The following PDE10A variants were observed in gnomAD, a reference collection of about 807,000 sequenced individuals.
PDE10A encodes the protein phosphodiesterase 10A.
Under a neutral mutation model 97.7 loss-of-function variants are expected in PDE10A, and 39 were observed. The ratio of observed to expected loss-of-function variants is 0.40; its 90% CI spans 0.31 to 0.52. PDE10A has a LOEUF of 0.52. PDE10A is among the 20% of genes least tolerant of loss of function. PDE10A has a pLI of 0.56. For missense variants in PDE10A, 731 were observed against 1,047.8 expected, an observed-to-expected ratio of 0.70 and a Z score of 4.17; for synonymous variants, 371 against 376.8, an observed-to-expected ratio of 0.98 and a Z score of 0.18.
At chr6:165,419,995 C>G (rs1788580757) in intron 10 of PDE10A, among the ~76,000 whole-genome samples, 1 of 152,212 alleles carries the variant, frequency 6.6e-6, no homozygotes, top group African/African-American at 2.4e-5. Context: ...CTACTATACA[C>G]CAAACAAATA....
intron 1 of PDE10A, among the ~76,000 whole-genome samples, chr6:165,597,498 T>C (rs1786669441): frequency 6.6e-6 from 1 of 152,164 alleles, no homozygotes. Flanking sequence ...GCCACAAAAA[T>C]GTTTTCTCCC....
chr6:165,745,292 G>A (rs1792818762), intron 1 of PDE10A, among the ~76,000 whole-genome samples: 2 of 152,010 alleles, frequency 1.3e-5, no homozygotes. Context: ...ATTGCCCCTT[G>A]CCCCTCACAC....
At chr6:165,654,373 C>T (rs564391662) in intron 1 of PDE10A, among the ~76,000 whole-genome samples, 6 of 152,214 alleles carry the variant, frequency 3.9e-5, no homozygotes, top group East Asian at 1.9e-4. Context: ...CCCCAGGCCC[C>T]GCTCTCCTCC....
chr6:165,452,858 C>A (rs1266963358), intron 3 of PDE10A, among the ~76,000 whole-genome samples: 1 of 149,914 alleles, frequency 6.7e-6, no homozygotes, highest in Non-Finnish European at 1.5e-5. Flanking sequence ...AGAACCTAGA[C>A]TGCAATAAAG....
chr6:165,534,435 C>A (rs902625784), intron 2 of PDE10A, among the ~76,000 whole-genome samples: 37 of 151,996 alleles, frequency 2.4e-4, no homozygotes, highest in African/African-American at 8.2e-4. Flanking sequence ...AAAATACTTT[C>A]AAACTCATTC....
At chr6:165,614,845 T>TAAA (rs756553279) in intron 1 of PDE10A, among the ~76,000 whole-genome samples, 3 of 149,254 alleles carry the variant, frequency 2.0e-5, no homozygotes, top group African/African-American at 7.5e-5. Context: ...AGGCATTCAA[T>TAAA]TAAAAAAAAA....
At chr6:165,384,326 T>C (rs1785114237) in intron 17 of PDE10A, among the ~76,000 whole-genome samples, 1 of 149,970 alleles carries the variant, frequency 6.7e-6, no homozygotes, top group Admixed American at 6.6e-5. Flanking sequence ...GACTTTCCTG[T>C]CTGCTAAATG....
chr6:165,605,419 G>A (rs1237601710), intron 1 of PDE10A, among the ~76,000 whole-genome samples: 2 of 152,190 alleles, frequency 1.3e-5, no homozygotes, highest in East Asian at 3.8e-4. Context: ...GCTCTGCACT[G>A]TTCTAAAAAT....
At chr6:165,636,258 C>T (rs933556614) in intron 1 of PDE10A, among the ~76,000 whole-genome samples, 3 of 152,142 alleles carry the variant, frequency 2.0e-5, no homozygotes, top group African/African-American at 7.2e-5. Context: ...TTAGCAAACA[C>T]ACAGCTAGTT....
intron 1 of PDE10A, among the ~76,000 whole-genome samples, chr6:165,837,715 T>C (rs897090989): frequency 3.0e-5 from 4 of 132,970 alleles, no homozygotes; most frequent in Non-Finnish European, 6.2e-5. Flanking sequence ...GAACAGAGTC[T>C]CACTCCGTCG....
chr6:165,370,259 C>T, intron 18 of PDE10A, among the ~76,000 whole-genome samples: 2 of 148,426 alleles, frequency 1.3e-5, no homozygotes, highest in South Asian at 2.2e-4. Context: ...GGACTAAATG[C>T]TCCAATTAAA....
chr6:165,908,982 T>C (rs1486696847), intron 1 of PDE10A: 1 of 152,174 alleles, frequency 6.6e-6, no homozygotes, highest in Non-Finnish European at 1.5e-5. Flanking sequence ...GTTGTTTGCA[T>C]TGTGGGTTGA....
intron 1 of PDE10A, among the ~76,000 whole-genome samples, chr6:165,686,307 G>A (rs1791115871): frequency 6.6e-6 from 1 of 152,004 alleles, no homozygotes; most frequent in South Asian, 2.1e-4. Context: ...GGGAATTGTG[G>A]GTGCCCAGGA....
chr6:165,628,240 G>T (rs1788474893), intron 1 of PDE10A, among the ~76,000 whole-genome samples: 1 of 152,168 alleles, frequency 6.6e-6, no homozygotes, highest in Non-Finnish European at 1.5e-5. Flanking sequence ...GGAGATAATA[G>T]TTATTACCAC....
intron 1 of PDE10A, chr6:165,986,013 G>C (rs999437420): frequency 1.3e-5 from 2 of 152,696 alleles, no homozygotes; most frequent in African/African-American, 2.4e-5. Flanking sequence ...CTGATGAAGC[G>C]TGGCGAGGGC....
intron 1 of PDE10A, among the ~76,000 whole-genome samples, chr6:165,615,742 G>A (rs1348111016): frequency 6.6e-6 from 1 of 151,970 alleles, no homozygotes; most frequent in East Asian, 1.9e-4. Context: ...ACTGAAATTC[G>A]CATGTCTTTT....
chr6:165,923,318 C>T (rs1310816443), intron 1 of PDE10A, among the ~76,000 whole-genome samples: 1 of 152,184 alleles, frequency 6.6e-6, no homozygotes, highest in Non-Finnish European at 1.5e-5. Context: ...TTTCTTAAGA[C>T]AAAACTCTGT....
At chr6:165,442,601 C>A (rs915225230) in intron 5 of PDE10A, among the ~76,000 whole-genome samples, 1 of 152,130 alleles carries the variant, frequency 6.6e-6, no homozygotes, top group African/African-American at 2.4e-5. Flanking sequence ...ATGAGAAAAG[C>A]AATGGGGAAA....
chr6:165,405,691 C>G (rs775217757), intron 13 of PDE10A, among the ~76,000 whole-genome samples: 5 of 152,130 alleles, frequency 3.3e-5, no homozygotes, highest in Non-Finnish European at 5.9e-5. Context: ...AGTAATAGAT[C>G]AGGTTGTAAA....
Sources: allele counts gnomAD v4.1 joint callset (sites outside exome capture counted in the v4.1 genomes callset), GRCh38; gene constraint gnomAD v4.1.1; transcripts MANE v1.5; gene names NCBI Gene and HGNC (gene_info 2026-07-23, HGNC 2026-07-21).